The following DENND5B variants were observed in gnomAD, a reference collection of about 807,000 sequenced individuals.
DENND5B encodes the protein DENN domain containing 5B.
DENND5B carries 34 observed loss-of-function variants against 140.6 expected under a neutral mutation model. The observed-to-expected ratio is 0.24, with a 90% CI of 0.18 to 0.32. The LOEUF (loss-of-function observed/expected upper bound fraction) is 0.32, where lower values mean the gene tolerates loss of function less well. DENND5B is among the 10% of genes least tolerant of loss of function. The probability of loss-of-function intolerance (pLI) is 1.00; values close to 1 mark genes in which losing one functional copy is unlikely to be tolerated. For synonymous variants in DENND5B, 551 were observed against 562.1 expected (o/e 0.98, Z 0.28); for missense variants, 1,142 against 1,560.2 (o/e 0.73, Z 4.52).
intron 20 of DENND5B, among the ~76,000 whole-genome samples, chr12:31,388,964 AG>A (rs1048551233): frequency 2.0e-5 from 3 of 152,216 alleles, no homozygotes; most frequent in Non-Finnish European, 4.4e-5. Flanking sequence ...GAAGTGGGAC[AG>A]GGTGTGAACC....
chr12:31,518,248 A>G (rs897839072), intron 1 of DENND5B, among the ~76,000 whole-genome samples: 8 of 152,184 alleles, frequency 5.3e-5, no homozygotes, highest in African/African-American at 1.9e-4. Context: ...CTACACAAAC[A>G]AATAATTCAA....
intron 14 of DENND5B, among the ~76,000 whole-genome samples, chr12:31,407,019 C>T (rs536274805): frequency 1.3e-5 from 2 of 152,226 alleles, no homozygotes; most frequent in East Asian, 3.9e-4. Flanking sequence ...ACGTCAGTCT[C>T]GAACTCCTGA....
chr12:31,507,142 T>C (rs1947233842), intron 1 of DENND5B, among the ~76,000 whole-genome samples: 1 of 152,048 alleles, frequency 6.6e-6, no homozygotes, highest in Non-Finnish European at 1.5e-5. Flanking sequence ...TCCAAGGGTT[T>C]GAGAAGTTCA....
intron 1 of DENND5B, among the ~76,000 whole-genome samples, chr12:31,566,739 G>A (rs1949645735): frequency 6.6e-6 from 1 of 152,188 alleles, no homozygotes; most frequent in Non-Finnish European, 1.5e-5. Flanking sequence ...AATATTTATT[G>A]TGCAATTACA....
chr12:31,433,888 G>A (rs1285989195), intron 7 of DENND5B, among the ~76,000 whole-genome samples: 4 of 152,126 alleles, frequency 2.6e-5, no homozygotes, highest in African/African-American at 9.7e-5. Context: ...TTAGCTACTT[G>A]GGAGGCTGAA....
chr12:31,577,664 T>C (rs955590528), intron 1 of DENND5B, among the ~76,000 whole-genome samples: 3 of 140,272 alleles, frequency 2.1e-5, no homozygotes, highest in Non-Finnish European at 3.0e-5. Context: ...TGAGCTGAGA[T>C]TGCGCCACTG....
intron 7 of DENND5B, among the ~76,000 whole-genome samples, chr12:31,437,145 CCTTT>C (rs1943807595): frequency 7.4e-6 from 1 of 135,922 alleles, no homozygotes; most frequent in African/African-American, 2.5e-5. Context: ...CCTGCCCCCC[CCTTT>C]TTTTTTTTTT....
chr12:31,516,894 G>A (rs35679974), intron 1 of DENND5B, among the ~76,000 whole-genome samples: 20,506 of 151,898 alleles, frequency 0.13, 1,624 homozygotes, highest in Non-Finnish European at 0.18. Flanking sequence ...AGCCCTGATC[G>A]TGCCACTGCA....
chr12:31,446,392 G>A (rs571461972), intron 6 of DENND5B, among the ~76,000 whole-genome samples: 11 of 152,202 alleles, frequency 7.2e-5, no homozygotes, highest in East Asian at 1.9e-4. Context: ...CAAGTGATCC[G>A]CTGGCCTTGG....
At chr12:31,409,003 T>C (rs1942291298) in intron 14 of DENND5B, among the ~76,000 whole-genome samples, 1 of 152,196 alleles carries the variant, frequency 6.6e-6, no homozygotes, top group Admixed American at 6.5e-5. Context: ...TGTTCAGTCA[T>C]GGGATGCTGG....
intron 1 of DENND5B, among the ~76,000 whole-genome samples, chr12:31,507,847 G>A (rs1947263313): frequency 6.6e-6 from 1 of 152,094 alleles, no homozygotes; most frequent in African/African-American, 2.4e-5. Flanking sequence ...GTAGCCTAGT[G>A]CAAATCACAA....
intron 13 of DENND5B, among the ~76,000 whole-genome samples, chr12:31,409,916 A>C (rs2137526310): frequency 6.6e-6 from 1 of 152,344 alleles, no homozygotes; most frequent in Admixed American, 6.5e-5. Context: ...GATTATAGGC[A>C]TGAGCCACTG....
At chr12:31,545,971 A>AAAAAAAAAAAAAAAAAAAAAAAAAT (rs1948843461) in intron 1 of DENND5B, among the ~76,000 whole-genome samples, 1 of 148,012 alleles carries the variant, frequency 6.8e-6, no homozygotes. Flanking sequence ...AAAAAAAAAA[A>AAAAAAAAAAAAAAAAAAAAAAAAAT]GTGGGGGAAT....
chr12:31,448,275 C>T (rs1481648692), intron 5 of DENND5B, among the ~76,000 whole-genome samples: 3 of 152,142 alleles, frequency 2.0e-5, no homozygotes, highest in African/African-American at 7.2e-5. Context: ...GCTGGGACTA[C>T]AGGCGCCTGC....
chr12:31,491,793 T>C (rs1397492985), intron 2 of DENND5B, among the ~76,000 whole-genome samples: 8 of 152,264 alleles, frequency 5.3e-5, no homozygotes, highest in Admixed American at 5.2e-4. Context: ...ACTGTACTCA[T>C]ACACATTAAA....
Sources: allele counts gnomAD v4.1 joint callset (sites outside exome capture counted in the v4.1 genomes callset), GRCh38; gene constraint gnomAD v4.1.1; transcripts MANE v1.5; gene names NCBI Gene and HGNC (gene_info 2026-07-23, HGNC 2026-07-21).